REN: variants seen among roughly 807,000 people sequenced by gnomAD.
REN encodes the protein renin, also known as angiotensin-forming enzyme.
REN carries 42 observed loss-of-function variants against 48.6 expected under a neutral mutation model. The ratio of observed to expected loss-of-function variants is 0.86; its 90% confidence interval spans 0.68 to 1.12. The LOEUF (loss-of-function observed/expected upper bound fraction) is 1.12. Ranked by LOEUF, REN falls within the 50% of genes most tolerant of loss-of-function variation. REN has a pLI of 0.00. For synonymous variants in REN, 196 were observed against 204.6 expected (o/e 0.96, Z 0.36); for missense variants, 443 against 527.3 (o/e 0.84, Z 1.57).
chr1:204,160,532 G>T (rs1352942449), intron 4 of REN, 28 bp downstream of exon 4: 4 of 1,479,406 alleles, frequency 2.7e-6, no homozygotes, highest in East Asian at 2.3e-5. Flanking sequence ...GGGGTCCGGG[G>T]CAGATGACCT....
intron 3 of REN, 125 bp from the exon 4 acceptor site, chr1:204,160,803 G>A (rs1222699391): frequency 1.4e-5 from 11 of 787,454 alleles, no homozygotes; most frequent in Non-Finnish European, 2.5e-5. Context: ...TAGGGTCAGG[G>A]GGCTTGGAAT....
At chr1:204,160,511 T>G (rs749572333) in intron 4 of REN, 49 bp downstream of exon 4, 1 of 1,280,094 alleles carries the variant, frequency 7.8e-7, no homozygotes, top group Non-Finnish European at 1.1e-6. Context: ...AGGAGAGGCC[T>G]GGGGACAGAA....
intron 1 of REN, 71 bp from the exon 2 acceptor site, chr1:204,162,234 C>T: frequency 6.4e-7 from 1 of 1,556,556 alleles, no homozygotes; most frequent in East Asian, 2.3e-5. Context: ...GTCCCTGAGG[C>T]CAAACCCCTG....
intron 1 of REN, 43 bp from the exon 2 acceptor site, chr1:204,162,206 C>A: frequency 1.2e-6 from 2 of 1,609,698 alleles, no homozygotes; most frequent in South Asian, 1.1e-5. Flanking sequence ...AGTGCTGTAC[C>A]TCCACCACAG....
intron 2 of REN, 70 bp from the exon 3 acceptor site, chr1:204,161,485 A>G (rs1262952171): frequency 5.3e-6 from 7 of 1,318,580 alleles, no homozygotes; most frequent in Admixed American, 6.6e-5. Context: ...GCCTGGCTTC[A>G]CTCTTGGCTC....
chr1:204,161,388 C>T lies in REN; in HGVS notation c.277G>A (p.Gly93Ser), dbSNP rs1475981961. 1.4e-5 allele frequency: 22 copies of T among 1,595,578 alleles called. No homozygotes were observed. The highest frequency in any genetic ancestry group is 1.5e-5 in the Non-Finnish European group (17 of 1,170,752). ...ACTTTGAAGGTCTGGGGTGGGGTGC[C>T]GATGCCAATCTCGCCATAGTACTGG... ...DTQYYGEIGI[G>S]TPPQTFKVVF... Residue 93 changes from glycine (G) to serine (S), a missense_variant, in exon 3 of 10, where the codon GGC (glycine) becomes AGC (serine). Gly to Ser is a moderately conservative substitution (Grantham distance 56, BLOSUM62 0). Transcript: ENST00000272190.
rs1447955791 is a variant in REN, at chr1:204,156,828, C to T, written c.699-32G>A. On this transcript the variant is annotated intron_variant, in intron 6 of 9. Transcript: ENST00000272190. The surrounding 1 kb of genome is among the most constrained non-coding windows in gnomAD (Gnocchi z 4.2). ...GAAAGATCAGAAGCTCTTGGAAACCCATAACCTCCAGGACCCAGCAACTCA... is the reference window on the plus strand; with the variant it reads ...GAAAGATCAGAAGCTCTTGGAAACCTATAACCTCCAGGACCCAGCAACTCA... 6.2e-7 allele frequency: 1 copy of T among 1,612,410 alleles called. No homozygotes were observed. The highest frequency in any genetic ancestry group is 8.5e-7 in the Non-Finnish European group (1 of 1,180,012).
rs756122840 is a variant in REN at position 204,160,654 on chromosome 1, G to A, written c.398C>T (p.Ser133Leu). ...ATTGTGCTTGTAGCTGGAGGAATCC[G>A]AAGCATCGAAGAGCTTGTGATACAC... Reference protein sequence around the residue: ...ACVYHKLFDASDSSSYKHNGT... With the variant: ...ACVYHKLFDALDSSSYKHNGT... Residue 133 changes from serine (S) to leucine (L), a missense_variant, in exon 4 of 10, where the codon TCG becomes TTG. Coordinates refer to ENST00000272190, the MANE Select transcript of REN (RefSeq NM_000537.4). 4.6e-5 allele frequency: 74 copies of A among 1,613,872 alleles called. No individual in the cohort carries two copies. The South Asian group carries it at 6.0e-4, about 13-fold the overall frequency.
Position 204,161,361 on chromosome 1 carries a change from C to G in REN, c.304G>C (p.Val102Leu). ...ACATTGGACGAACCAGTGTCAAAGA[C>G]GACTTTGAAGGTCTGGGGTGGGGTG... ...IGTPPQTFKV[V>L]FDTGSSNVWV... Residue 102 changes from valine to leucine, a missense_variant, in exon 3 of 10, where the codon GTC becomes CTC. Val to Leu is a conservative substitution (Grantham distance 32). Coordinates refer to ENST00000272190, the MANE Select transcript of REN (RefSeq NM_000537.4). The G allele has an allele frequency of 6.2e-7, 1 of 1,607,698 alleles. No individual in the cohort carries two copies. The highest frequency in any genetic ancestry group is 8.5e-7 in the Non-Finnish European group (1 of 1,177,162).
At chr1:204,163,060 G>A (rs893336018) in intron 1 of REN, among the ~76,000 whole-genome samples, 1 of 152,162 alleles carries the variant, frequency 6.6e-6, no homozygotes, top group African/African-American at 2.4e-5. Flanking sequence ...TCCCATATAG[G>A]GTCCCCTGGG....
rs1658254785 is a variant in REN, at chr1:204,162,019, G to A, written c.243C>T (p.Tyr81=). 1.9e-6 allele frequency: 3 copies of A among 1,614,192 alleles called. No individual in the cohort carries two copies. Among genetic ancestry groups the A allele is most frequent in the African/African-American group, 1.3e-5 (1 of 75,044 alleles). Residue 81 remains tyrosine (Y), a synonymous_variant, in exon 2 of 10, where the codon TAC becomes TAT. Transcript: ENST00000272190. ...GGCTGAGCCAAGCACTCACGTCCAT[G>A]TAGTTGGTGAGGATCACGGAGGAGG... The part of the protein sequence containing the change: ...NTTSSVILTN[Y]MDTQYYGEIG...
In REN at chr1:204,154,932, A is replaced by G; in HGVS notation, c.*84T>C. 6.6e-7 allele frequency: 1 copy of G among 1,522,404 alleles called. No individual in the cohort carries two copies. The highest frequency in any genetic ancestry group is 1.1e-5 in the South Asian group (1 of 87,812). 94.3% of individuals were successfully genotyped at this position (1,522,404 alleles called of 1,614,324 possible). A position where few individuals can be genotyped will look rare whatever the true frequency, so the allele number is the denominator to read the frequency against. ...ATCCAATGTCTCCATCTGAGGGCAT[A>G]AGCCCAGGCAGAGGGGCATCTCAGA... On this transcript the variant is annotated 3_prime_UTR_variant, in exon 10 of 10. Transcript: ENST00000272190.
chr1:204,165,726 G>A (rs1421977519), intron 1 of REN, among the ~76,000 whole-genome samples: 2 of 151,960 alleles, frequency 1.3e-5, no homozygotes, highest in Non-Finnish European at 2.9e-5. Flanking sequence ...GAGTAGCTGG[G>A]GATTACAAGT....
At chr1:204,166,153 C>G in intron 1 of REN, 43 bp downstream of exon 1, 1 of 1,529,844 alleles carries the variant, frequency 6.5e-7, no homozygotes, top group Non-Finnish European at 9.1e-7. Context: ...AGGTGGGAAC[C>G]CTGCACCCCT....
rs758759283 is a variant in REN, at chr1:204,156,371, A to G, written c.819-52T>C. 8.0e-6 allele frequency: 9 copies of G among 1,122,434 alleles called. No homozygotes were observed. The Admixed American group carries it at 1.9e-4, about 23-fold the overall frequency. The allele number at this position is 1,122,434 out of a possible 1,614,324, so 69.5% of individuals were successfully genotyped here. The stretch of plus-strand genomic sequence containing the variant: ...AGACAGACAGACAGACAGAAGGCTG[A>G]TGGGGCACCTCCAGGCTGCATGTCC... On this transcript the variant is annotated intron_variant, in intron 7 of 9. Coordinates refer to ENST00000272190, the MANE Select transcript of REN (RefSeq NM_000537.4). This position sits in a 1 kb window ranked among gnomAD's most constrained non-coding sequence, Gnocchi z 4.2.
In REN at chr1:204,155,910, C is replaced by A. The variant is rs1225177909; in HGVS notation, c.969G>T (p.Val323=). The change falls in exon 9 of 10, where the codon GTG becomes GTT. Residue 323 remains valine (V), a synonymous_variant. Transcript: ENST00000272190. ...GGAGTGTAGGGCCCTCGTTACACTT[C>A]ACGACATACTGGGGTGGGGGGCAAA... is the stretch of plus-strand genomic sequence containing the variant. ...GAKKRLFDYV[V]KCNEGPTLPD... 1.9e-6 allele frequency: 3 copies of A among 1,613,266 alleles called. No individual in the cohort carries two copies. The highest frequency in any genetic ancestry group is 2.7e-5 in the African/African-American group (2 of 74,818).
chr1:204,158,228 T>G (rs1269595566), intron 5 of REN, among the ~76,000 whole-genome samples: 1 of 150,828 alleles, frequency 6.6e-6, no homozygotes, highest in African/African-American at 2.4e-5. Flanking sequence ...TGCCCCCACT[T>G]CCTCTAAAAC....
chr1:204,165,663 G>A (rs1658330865), intron 1 of REN, among the ~76,000 whole-genome samples: 2 of 151,878 alleles, frequency 1.3e-5, no homozygotes, highest in Non-Finnish European at 2.9e-5. Flanking sequence ...CACGATCTTG[G>A]CTCAGCAATC....
At chr1:204,160,774 G>T (rs551453844) in intron 3 of REN, 96 bp from the exon 4 acceptor site, 2 of 872,350 alleles carry the variant, frequency 2.3e-6, no homozygotes, top group East Asian at 2.4e-5. Flanking sequence ...GTTAGCTTAG[G>T]TGCAGGGATG....
Sources: allele counts gnomAD v4.1 joint callset (sites outside exome capture counted in the v4.1 genomes callset), GRCh38; gene constraint gnomAD v4.1.1; non-coding constraint Gnocchi (gnomAD v3.1); transcripts MANE v1.5; gene names NCBI Gene and HGNC (gene_info 2026-07-23, HGNC 2026-07-21).